The following SNX8 variants were observed in gnomAD, a reference collection of about 807,000 sequenced individuals.
SNX8 encodes sorting nexin 8, also known as sorting nexin-8.
Under a neutral mutation model 51.6 loss-of-function variants are expected in SNX8, and 25 were observed. The ratio of observed to expected loss-of-function variants is 0.48; its 90% CI spans 0.35 to 0.68. The LOEUF is 0.68. Ranked by LOEUF, SNX8 falls within the 30% of genes least tolerant of loss-of-function variation. The probability of loss-of-function intolerance (pLI) is 0.00; values close to 1 mark genes in which losing one functional copy is unlikely to be tolerated. For missense variants in SNX8, 695 were observed against 624.0 expected (o/e 1.11, Z -1.21); for synonymous variants, 324 against 277.0 (o/e 1.17, Z -1.68).
intron 1 of SNX8, among the ~76,000 whole-genome samples, chr7:2,301,888 G>C (rs941582652): frequency 2.0e-5 from 3 of 152,138 alleles, no homozygotes; most frequent in African/African-American, 7.2e-5. Flanking sequence ...CTACTTCTCA[G>C]CTTGTTAGTT....
At chr7:2,327,377 C>G (rs559720704) in intron 1 of SNX8, among the ~76,000 whole-genome samples, 5 of 151,770 alleles carry the variant, frequency 3.3e-5, no homozygotes, top group African/African-American at 1.2e-4. Flanking sequence ...GTAGCTGGGA[C>G]TACAGGCGCC....
intron 1 of SNX8, among the ~76,000 whole-genome samples, chr7:2,325,406 T>C (rs563325250): frequency 1.3e-5 from 2 of 152,110 alleles, no homozygotes; most frequent in South Asian, 2.1e-4. Context: ...GTGAGGACTT[T>C]TAGAAGGAAA....
intron 1 of SNX8, among the ~76,000 whole-genome samples, chr7:2,287,222 A>G (rs1466171788): frequency 6.6e-6 from 1 of 151,112 alleles, no homozygotes; most frequent in East Asian, 2.0e-4. Flanking sequence ...GGCTCAAGCA[A>G]TCCAGCCTGG....
At chr7:2,339,956 T>C (rs1778891529) in intron 1 of SNX8, among the ~76,000 whole-genome samples, 1 of 152,110 alleles carries the variant, frequency 6.6e-6, no homozygotes. Context: ...GCTCTACAAT[T>C]GGCTATTTTA....
rs1795381111 is a variant in SNX8, at chr7:2,263,256, G to A, written c.889C>T (p.Leu297=). The part of the protein sequence containing the change: ...ALKGLSVEFA[L]LADKAAQQGK... ...TGTTGTGCAGCCTTGTCGGCGAGCAGCGCGAATTCCACAGACAGGCCTTTC... is the reference window on the plus strand; with the variant it reads ...TGTTGTGCAGCCTTGTCGGCGAGCAACGCGAATTCCACAGACAGGCCTTTC... Residue 297 remains leucine (L), a synonymous_variant, in exon 7 of 11, where the codon CTG becomes TTG. Transcript: ENST00000222990. 1 of 1,613,860 alleles carries A rather than the reference G, an allele frequency of 6.2e-7. No homozygotes were observed. The highest frequency in any genetic ancestry group is 1.7e-5 in the Admixed American group (1 of 60,000).
chr7:2,321,713 C>CTTTTTT (rs59105866), intron 1 of SNX8, among the ~76,000 whole-genome samples: 2 of 88,678 alleles, frequency 2.3e-5, no homozygotes, highest in Non-Finnish European at 4.1e-5. Flanking sequence ...CGCGCCCGGC[C>CTTTTTT]TTTTTTTTTT....
At chr7:2,339,938 CA>C (rs1046403990) in intron 1 of SNX8, among the ~76,000 whole-genome samples, 4 of 151,958 alleles carry the variant, frequency 2.6e-5, no homozygotes, top group African/African-American at 9.7e-5. Context: ...ATTTATGGAA[CA>C]AAGAGTGCTC....
chr7:2,326,631 A>C (rs971427422), intron 1 of SNX8, among the ~76,000 whole-genome samples: 7 of 152,080 alleles, frequency 4.6e-5, no homozygotes, highest in Non-Finnish European at 8.8e-5. Flanking sequence ...ACGCCACTGC[A>C]CTCCAGCCTG....
At chr7:2,284,944 C>G (rs914360352) in intron 1 of SNX8, among the ~76,000 whole-genome samples, 23 of 151,958 alleles carry the variant, frequency 1.5e-4, no homozygotes, top group African/African-American at 4.8e-4. Context: ...GGGCGGAGTG[C>G]CTCACGCCTG....
intron 1 of SNX8, among the ~76,000 whole-genome samples, chr7:2,299,117 G>A (rs899357750): frequency 6.6e-6 from 1 of 151,894 alleles, no homozygotes; most frequent in Non-Finnish European, 1.5e-5. Context: ...ATAGGACAAC[G>A]GCATCTTGTT....
At chr7:2,298,691 T>TTTTTTG (rs1196526381) in intron 1 of SNX8, among the ~76,000 whole-genome samples, 2 of 150,456 alleles carry the variant, frequency 1.3e-5, no homozygotes, top group Non-Finnish European at 3.0e-5. Context: ...TTTGTTTTTG[T>TTTTTTG]TTTTTGTTTT....
chr7:2,286,889 G>A (rs867778321), intron 1 of SNX8, among the ~76,000 whole-genome samples: 32 of 151,400 alleles, frequency 2.1e-4, no homozygotes, highest in Admixed American at 1.1e-3. Flanking sequence ...ACCTGTGATC[G>A]CAGCACTTTG....
chr7:2,292,556 C>A (rs946219407), intron 1 of SNX8, among the ~76,000 whole-genome samples: 1 of 151,854 alleles, frequency 6.6e-6, no homozygotes, highest in South Asian at 2.1e-4. Flanking sequence ...GGACTACAGG[C>A]GTCCACCACC....
At chr7:2,310,099 G>C (rs1214319157) in intron 1 of SNX8, among the ~76,000 whole-genome samples, 1 of 152,180 alleles carries the variant, frequency 6.6e-6, no homozygotes, top group Non-Finnish European at 1.5e-5. Flanking sequence ...GTATACGGCA[G>C]AGCCAGGATA....
chr7:2,269,785 A>G (rs148339995), intron 4 of SNX8, 146 bp from the exon 5 acceptor site: 3 of 509,362 alleles, frequency 5.9e-6, no homozygotes, highest in South Asian at 2.9e-5. Flanking sequence ...GTATTCTGCA[A>G]TCTCTTGACT....
chr7:2,274,572 C>A (rs140584516), intron 3 of SNX8, among the ~76,000 whole-genome samples: 1 of 152,350 alleles, frequency 6.6e-6, no homozygotes, highest in African/African-American at 2.4e-5. Context: ...GGCCCGAGGC[C>A]ATCTTCAGGC....
At chr7:2,272,101 G>A in intron 3 of SNX8, 130 bp from the exon 4 acceptor site, 2 of 1,263,270 alleles carry the variant, frequency 1.6e-6, no homozygotes, top group Non-Finnish European at 2.2e-6. Context: ...CACTGGCTGG[G>A]CCCCCAGTGC....
chr7:2,336,864 C>G (rs1038776803), intron 1 of SNX8, among the ~76,000 whole-genome samples: 3 of 151,420 alleles, frequency 2.0e-5, no homozygotes, highest in Non-Finnish European at 4.4e-5. Flanking sequence ...AAAAAATGAG[C>G]TGGGCATGGT....
intron 1 of SNX8, among the ~76,000 whole-genome samples, chr7:2,319,651 T>TAA: frequency 6.6e-6 from 1 of 151,970 alleles, no homozygotes; most frequent in Non-Finnish European, 1.5e-5. Context: ...CCGTCTCTAC[T>TAA]AAAAATACCA....
Sources: gnomAD v4.1 joint callset for allele counts (sites outside exome capture counted in the v4.1 genomes callset) on GRCh38, gnomAD v4.1.1 for gene constraint, MANE v1.5 for transcripts, NCBI Gene and HGNC (gene_info 2026-07-23, HGNC 2026-07-21) for gene names.